The following CLUAP1 variants were observed in gnomAD, a reference collection of about 807,000 sequenced individuals.
The protein encoded by CLUAP1 is intraflagellar transport 38, also known as clusterin-associated protein 1.
A neutral mutation model predicts 55.0 loss-of-function variants in CLUAP1; 50 were observed. That is an observed-to-expected ratio of 0.91 (90% CI 0.72 to 1.15). The LOEUF is 1.15. CLUAP1 is among the 50% of genes most tolerant of loss of function. The probability of loss-of-function intolerance (pLI) is 0.00; values close to 1 mark genes in which losing one functional copy is unlikely to be tolerated. For missense variants in CLUAP1, 530 were observed against 507.6 expected (o/e 1.04, Z -0.42); for synonymous variants, 195 against 175.4 (o/e 1.11, Z -0.88).
chr16:3,499,161 A>C (rs2037342037), upstream of CLUAP1, among the ~76,000 whole-genome samples: 1 of 152,268 alleles, frequency 6.6e-6, no homozygotes, highest in South Asian at 2.1e-4. Context: ...TCACGCCAAC[A>C]TGGCGAAACT....
chr16:3,515,376 G>A, intron 5 of CLUAP1, 132 bp from the exon 6 acceptor site: 1 of 627,390 alleles, frequency 1.6e-6, no homozygotes, highest in South Asian at 1.9e-5. Context: ...TGGTGGCAGT[G>A]TTTTTGCATC....
At chr16:3,509,265 T>C (rs1193099636) in intron 4 of CLUAP1, among the ~76,000 whole-genome samples, 2 of 151,530 alleles carry the variant, frequency 1.3e-5, no homozygotes, top group Admixed American at 1.3e-4. Flanking sequence ...AGAAAAAAAA[T>C]GTGTTTTGTG....
chr16:3,532,781 C>T lies in CLUAP1; in HGVS notation c.1037-5C>T. The T allele has an allele frequency of 6.2e-7, 1 of 1,613,930 alleles. No homozygotes were observed. The highest frequency in any genetic ancestry group is 8.5e-7 in the Non-Finnish European group (1 of 1,179,916). On this transcript the variant is annotated splice_region_variant and splice_polypyrimidine_tract_variant and intron_variant, in intron 10 of 11. Coordinates refer to ENST00000576634, the MANE Select transcript of CLUAP1 (RefSeq NM_015041.3). ...ATGACTTCTTCATGCTTTTGTTGTT[C>T]TCAGGAAGACCTGGCAAACGCATTG...
rs2151074311 is a variant in CLUAP1, at chr16:3,536,159, A to G, written c.1130A>G (p.Asp377Gly). 5 of 1,614,158 alleles carry G rather than the reference A, an allele frequency of 3.1e-6. No homozygotes were observed. In the Admixed American group the frequency reaches 6.7e-5, roughly 22 times the overall value. The change falls in exon 12 of 12, where the codon GAT becomes GGT. Residue 377 changes from aspartate to glycine, a missense_variant. Coordinates refer to ENST00000576634, the MANE Select transcript of CLUAP1 (RefSeq NM_015041.3). ...GAGAGTGAAATTGACATGGAAGATG[A>G]TGATGACGAGGATGACGATTTGGAA... ...SEESEIDMED[D>G]DDEDDDLEDE...
intron 11 of CLUAP1, chr16:3,534,535 G>GT (rs2038193969): frequency 6.6e-6 from 1 of 152,438 alleles, no homozygotes; most frequent in South Asian, 2.1e-4. Flanking sequence ...GATGATCCCT[G>GT]TTTGAGAGAA....
intron 11 of CLUAP1, chr16:3,533,801 A>G (rs1001508001): frequency 1.3e-5 from 2 of 152,876 alleles, no homozygotes; most frequent in African/African-American, 2.4e-5. Flanking sequence ...TTTCCTAACA[A>G]GCTCGGGTGT....
intron 2 of CLUAP1, among the ~76,000 whole-genome samples, chr16:3,505,312 C>T (rs910261987): frequency 5.9e-5 from 9 of 152,036 alleles, no homozygotes; most frequent in East Asian, 1.9e-4. Flanking sequence ...GGGTGGATCA[C>T]GAGGTCAGGA....
At chr16:3,529,687 TTATATATTATATATTATATATTATATA>T (rs2038054010) in intron 9 of CLUAP1, among the ~76,000 whole-genome samples, 2 of 23,464 alleles carry the variant, frequency 8.5e-5, no homozygotes, top group African/African-American at 6.1e-4. Flanking sequence ...TTATATATTA[TTATATATTATATATTATATATTATATA>T]ATATTATATA....
In CLUAP1 at chr16:3,538,687, A is replaced by G. The variant is rs2151076344; in HGVS notation, c.*2416A>G. ...CCTGCTTCTAGATCATCTGTTAGTT[A>G]ACTGACTTTGTGCAAGGTCTCACCA... On this transcript the variant is annotated 3_prime_UTR_variant, in exon 12 of 12. Coordinates refer to ENST00000576634, the MANE Select transcript of CLUAP1 (RefSeq NM_015041.3). The G allele has an allele frequency of 6.6e-6, 1 of 152,352 alleles. No homozygotes were observed. The highest frequency in any genetic ancestry group is 1.9e-4 in the East Asian group (1 of 5,192). The allele number at this position is 152,352 out of a possible 1,614,324, so 9.4% of individuals were successfully genotyped here.
rs2038096284 is a variant in CLUAP1 at position 3,530,648 on chromosome 16, C to T, written c.1009C>T (p.Gln337Ter). ...ELEERRLPKP[Q>*]TAMEMLMQGR... ...GGAAGAAAGGCGGCTGCCCAAGCCA[C>T]AGACAGCCATGGAGATGCTCATGCA... The change falls in exon 10 of 12, where the codon CAG becomes TAG. Residue 337 changes from glutamine (Q) to a stop codon, truncating the protein, a stop_gained. Transcript: ENST00000576634. LOFTEE classifies it high-confidence loss of function. 1.9e-6 allele frequency: 3 copies of T among 1,613,972 alleles called. No homozygotes were observed. Among genetic ancestry groups the T allele is most frequent in the Admixed American group, 1.7e-5 (1 of 59,998 alleles).
At chr16:3,497,716 C>G (rs1408177651), upstream of CLUAP1, among the ~76,000 whole-genome samples, 2 of 152,198 alleles carry the variant, frequency 1.3e-5, no homozygotes, top group African/African-American at 4.8e-5. Context: ...CTCAACTTAC[C>G]AGGCTCAGGC....
chr16:3,527,764 T>TGATAAGCAGAAATAATG (rs2037975260), intron 9 of CLUAP1, among the ~76,000 whole-genome samples: 1 of 152,190 alleles, frequency 6.6e-6, no homozygotes, highest in Non-Finnish European at 1.5e-5. Context: ...TAAAAGTCTC[T>TGATAAGCAGAAATAATG]GATAAGCAGA....
chr16:3,532,301 C>G (rs1018778827), intron 10 of CLUAP1, among the ~76,000 whole-genome samples: 1 of 151,086 alleles, frequency 6.6e-6, no homozygotes, highest in Non-Finnish European at 1.5e-5. Flanking sequence ...ATTCTTAGGT[C>G]AAAGGTTCCA....
chr16:3,505,195 G>A (rs1414301964), intron 2 of CLUAP1, among the ~76,000 whole-genome samples: 1 of 152,128 alleles, frequency 6.6e-6, no homozygotes, highest in African/African-American at 2.4e-5. Context: ...CACTGATCAT[G>A]CTATTGCACA....
At chr16:3,496,756 A>G (rs991223466), upstream of CLUAP1, 5 of 493,690 alleles carry the variant, frequency 1.0e-5, no homozygotes, top group Non-Finnish European at 1.6e-5. Flanking sequence ...GGGCCAGCCG[A>G]GGCTACAAAA....
rs1292575508 is a variant in CLUAP1, at chr16:3,515,552, G to C, written c.540G>C (p.Glu180Asp). 3.1e-6 allele frequency: 5 copies of C among 1,600,378 alleles called. No individual in the cohort carries two copies. The highest frequency in any genetic ancestry group is 4.2e-6 in the Non-Finnish European group (5 of 1,176,474). The change falls in exon 6 of 12, where the codon GAG becomes GAC. Residue 180 changes from glutamate to aspartate, a missense_variant. Glu to Asp is a conservative substitution (Grantham distance 45). Transcript: ENST00000576634. The part of the protein sequence containing the change: ...EAIARPLEIN[E>D]TEKVMRIAIK... ...TTGCCAGACCTCTGGAAATAAACGAGACTGAAAAAGTGATGAGAATTGCAA... is the reference window on the plus strand; with the variant it reads ...TTGCCAGACCTCTGGAAATAAACGACACTGAAAAAGTGATGAGAATTGCAA...
chr16:3,526,560 T>C, intron 9 of CLUAP1, 76 bp downstream of exon 9: 1 of 811,014 alleles, frequency 1.2e-6, no homozygotes, highest in Non-Finnish European at 1.7e-6. Flanking sequence ...TAGAGAGATA[T>C]ATATATATTT....
chr16:3,531,303 G>A (rs377741715), intron 10 of CLUAP1, among the ~76,000 whole-genome samples: 3 of 152,206 alleles, frequency 2.0e-5, no homozygotes, highest in African/African-American at 7.2e-5. Context: ...GGTGGATCAC[G>A]AGGTCAAGAG....
In CLUAP1 at chr16:3,536,105, C is replaced by A; in HGVS notation, c.1093-17C>A. 1 of 1,612,906 alleles carries A rather than the reference C, an allele frequency of 6.2e-7. No homozygotes were observed. Among genetic ancestry groups the A allele is most frequent in the Non-Finnish European group, 8.5e-7 (1 of 1,179,242 alleles). On this transcript the variant is annotated splice_polypyrimidine_tract_variant and intron_variant, in intron 11 of 11. Transcript: ENST00000576634. The stretch of plus-strand genomic sequence containing the variant: ...GAGGCAGGATCCCCCGTTGCATCTG[C>A]CATTTTTTTCCTATAGGAGGACTCG...
Sources: gnomAD v4.1 joint callset for allele counts (sites outside exome capture counted in the v4.1 genomes callset) on GRCh38, gnomAD v4.1.1 for gene constraint, MANE v1.5 for transcripts, NCBI Gene and HGNC (gene_info 2026-07-23, HGNC 2026-07-21) for gene names.